Variants in EPB42 observed in about 807,000 individuals in gnomAD.
EPB42 encodes the protein erythrocyte membrane protein band 4.2.
Under a neutral mutation model 76.9 loss-of-function variants are expected in EPB42, and 49 were observed. The ratio of observed to expected loss-of-function variants is 0.64; its 90% CI spans 0.51 to 0.81. The LOEUF is 0.81. Ranked by LOEUF, EPB42 falls within the 30% of genes least tolerant of loss-of-function variation. The pLI, the probability that EPB42 is intolerant of heterozygous loss-of-function variation, is 0.00. For missense variants in EPB42, 731 were observed against 867.6 expected, an observed-to-expected ratio of 0.84 and a Z score of 1.98; for synonymous variants, 310 against 338.4, an observed-to-expected ratio of 0.92 and a Z score of 0.92.
At chr15:43,219,713 C>T (rs1373412014) in intron 1 of EPB42, among the ~76,000 whole-genome samples, 2 of 152,196 alleles carry the variant, frequency 1.3e-5, no homozygotes, top group African/African-American at 4.8e-5. Context: ...TTTGGGAGGC[C>T]GAGGCGGAGG....
Position 43,206,679 on chromosome 15 carries a change from G to T in EPB42, c.1319-50C>A, listed in dbSNP as rs1280462862. The T allele has an allele frequency of 6.2e-7, 1 of 1,602,810 alleles. No homozygotes were observed. Among genetic ancestry groups the T allele is most frequent in the Non-Finnish European group, 8.5e-7 (1 of 1,170,780 alleles). ...GACCTTTTACCCGGGTGGTATAAATGCTTCTAATAAAACCCTGGGAATCAA... is the reference window on the plus strand; with the variant it reads ...GACCTTTTACCCGGGTGGTATAAATTCTTCTAATAAAACCCTGGGAATCAA... On this transcript the variant is annotated intron_variant, in intron 9 of 12. Transcript: ENST00000441366. This position sits in a 1 kb window ranked among gnomAD's most constrained non-coding sequence, Gnocchi z 4.7.
chr15:43,207,529 A>C, intron 8 of EPB42, 88 bp from the exon 9 acceptor site: 2 of 1,593,450 alleles, frequency 1.3e-6, no homozygotes, highest in Non-Finnish European at 1.7e-6. Flanking sequence ...CCCATCCTCT[A>C]GCCTATTTTC....
chr15:43,222,568 A>G (rs2042472169), upstream of EPB42, among the ~76,000 whole-genome samples: 1 of 152,226 alleles, frequency 6.6e-6, no homozygotes, highest in African/African-American at 2.4e-5. Flanking sequence ...AAAAACACCA[A>G]GATTGTTTTT....
chr15:43,219,899 T>C (rs1354980615), intron 1 of EPB42, among the ~76,000 whole-genome samples: 1 of 150,964 alleles, frequency 6.6e-6, no homozygotes, highest in Admixed American at 6.6e-5. Context: ...TGAGCCGAGA[T>C]TGCGCCACTG....
Position 43,205,082 on chromosome 15 carries a change from A to G in EPB42, c.1618+1248T>C, listed in dbSNP as rs557874712. On this transcript the variant is annotated intron_variant, in intron 10 of 12. Transcript: ENST00000441366. The stretch of plus-strand genomic sequence containing the variant: ...CCAAAAGTTCTTTCTTGTTAAAATG[A>G]ATTTCTGATTCCATTGACTACCCTG... Among the ~76,000 whole-genome samples the G allele has an allele frequency of 7.9e-5, 12 of 151,570 alleles. No individual in the cohort carries two copies. In the South Asian group the frequency reaches 1.0e-3, roughly 13 times the overall value.
upstream of EPB42, chr15:43,221,067 G>A: frequency 1.9e-6 from 1 of 521,816 alleles, no homozygotes; most frequent in Non-Finnish European, 3.5e-6. Flanking sequence ...GAGTAACCCT[G>A]TTCATTTTAT....
intron 12 of EPB42, among the ~76,000 whole-genome samples, chr15:43,200,445 AATAC>A (rs2042108514): frequency 2.0e-5 from 3 of 152,220 alleles, no homozygotes; most frequent in Admixed American, 2.0e-4. Context: ...ACAAGGGACT[AATAC>A]CTGGACTATA....
intron 6 of EPB42, 40 bp from the exon 7 acceptor site, chr15:43,208,815 G>A (rs765212643): frequency 3.1e-6 from 5 of 1,606,668 alleles, no homozygotes; most frequent in Non-Finnish European, 4.3e-6. Flanking sequence ...GCGCTTGAGA[G>A]ACCGGGCTGG....
At chr15:43,200,716 C>T (rs989899129) in intron 12 of EPB42, among the ~76,000 whole-genome samples, 1 of 152,060 alleles carries the variant, frequency 6.6e-6, no homozygotes. Context: ...AGTGGAGACT[C>T]TTGCAGCCAT....
chr15:43,219,190 A>C (rs983339926), intron 1 of EPB42, among the ~76,000 whole-genome samples: 1 of 152,222 alleles, frequency 6.6e-6, no homozygotes, highest in Admixed American at 6.5e-5. Flanking sequence ...AGAGCTGTGA[A>C]GAGGCGCGGA....
intron 3 of EPB42, among the ~76,000 whole-genome samples, chr15:43,212,479 T>G (rs1464298111): frequency 6.6e-6 from 1 of 151,906 alleles, no homozygotes; most frequent in Non-Finnish European, 1.5e-5. Context: ...AGCTTCCCAA[T>G]GGCTTGTATG....
chr15:43,212,217 A>C (rs955548605), intron 3 of EPB42, among the ~76,000 whole-genome samples: 6 of 152,002 alleles, frequency 3.9e-5, no homozygotes, highest in Non-Finnish European at 8.8e-5. Context: ...AAAATACAAA[A>C]AATTAGGTGG....
rs182549812 is a variant in EPB42 at position 43,213,499 on chromosome 15, C to G, written c.430+1596G>C. 1.3e-3 allele frequency among the ~76,000 whole-genome samples: 192 copies of G among 152,286 alleles called. 1 individual carries two copies. The highest frequency in any genetic ancestry group is 6.8e-3 in the Middle Eastern group (2 of 294). ...CCCTCCCTAGGCAGGTCCCTACAAACTGAGCACAAAGGCAGGACTCCTGGC... is the reference window on the plus strand; with the variant it reads ...CCCTCCCTAGGCAGGTCCCTACAAAGTGAGCACAAAGGCAGGACTCCTGGC... On this transcript the variant is annotated intron_variant, in intron 3 of 12. Transcript: ENST00000441366.
At chr15:43,215,039 C>A (rs2042356401) in intron 3 of EPB42, 56 bp downstream of exon 3, 1 of 1,493,266 alleles carries the variant, frequency 6.7e-7, no homozygotes, top group Non-Finnish European at 9.2e-7. Flanking sequence ...AGCTGCACCC[C>A]AGCTCCAGTG....
intron 3 of EPB42, among the ~76,000 whole-genome samples, chr15:43,211,938 C>T (rs1048058765): frequency 3.3e-5 from 5 of 151,900 alleles, no homozygotes; most frequent in East Asian, 1.9e-4. Context: ...TGTGGTGGTA[C>T]GCACTTGTAG....
At chr15:43,217,484 G>A (rs1279346994) in intron 1 of EPB42, among the ~76,000 whole-genome samples, 1 of 152,158 alleles carries the variant, frequency 6.6e-6, no homozygotes, top group African/African-American at 2.4e-5. Flanking sequence ...AAAAAACAAG[G>A]AGTAGAGAAG....
intron 4 of EPB42, among the ~76,000 whole-genome samples, chr15:43,210,992 G>A (rs1405393415): frequency 6.6e-6 from 1 of 152,194 alleles, no homozygotes; most frequent in African/African-American, 2.4e-5. Context: ...AAGGTCTTGA[G>A]AGATGGGTAG....
Position 43,220,862 on chromosome 15 carries a change from A to G in EPB42, c.-37T>C, listed in dbSNP as rs763360633. 1.9e-6 allele frequency: 3 copies of G among 1,586,058 alleles called. No individual in the cohort carries two copies. In the African/African-American group the frequency reaches 4.0e-5, roughly 21 times the overall value. On this transcript the variant is annotated 5_prime_UTR_variant, in exon 1 of 13. Coordinates refer to ENST00000441366, the MANE Select transcript of EPB42 (RefSeq NM_001114134.2). ...GCTCCTCTTATCCACTTGGCCGCAG[A>G]AAGCGCCTCTCTCAAACTGTTGCTT...
chr15:43,202,045 C>T, intron 11 of EPB42, 68 bp from the exon 12 acceptor site: 2 of 1,607,814 alleles, frequency 1.2e-6, no homozygotes, highest in Middle Eastern at 2.1e-4. Context: ...TCCTCCCATG[C>T]ACCCCTGTAC....
Sources: gnomAD v4.1 joint callset for allele counts (sites outside exome capture counted in the v4.1 genomes callset) on GRCh38, gnomAD v4.1.1 for gene constraint, Gnocchi (gnomAD v3.1) non-coding constraint, MANE v1.5 for transcripts, NCBI Gene and HGNC (gene_info 2026-07-23, HGNC 2026-07-21) for gene names.